The following PHPT1 variants were observed in gnomAD, a reference collection of about 807,000 sequenced individuals.
PHPT1 encodes 14 kDa phosphohistidine phosphatase.
In PHPT1, 16 loss-of-function variants were observed where a neutral mutation model predicts 15.6. The observed-to-expected ratio is 1.03, with a 90% CI of 0.70 to 1.56. The LOEUF is 1.56. Among genes scored for constraint, PHPT1 ranks in the 40% most tolerant of loss-of-function variants. The probability of loss-of-function intolerance (pLI) is 0.00; values close to 1 mark genes in which losing one functional copy is unlikely to be tolerated. For synonymous variants in PHPT1, 102 were observed against 68.1 expected, an observed-to-expected ratio of 1.50 and a Z score of -2.45; for missense variants, 228 against 171.0, an observed-to-expected ratio of 1.33 and a Z score of -1.86.
chr9:136,849,746 C>CA, intron 1 of PHPT1, 156 bp downstream of exon 1: 1 of 810,256 alleles, frequency 1.2e-6, no homozygotes, highest in Non-Finnish European at 1.8e-6. Flanking sequence ...CCGAGTCCTG[C>CA]CCCTGCTAGG....
intron 2 of PHPT1, chr9:136,850,377 C>T: frequency 2.1e-6 from 2 of 930,318 alleles, no homozygotes; most frequent in South Asian, 1.5e-5. Flanking sequence ...GTCTCCTCTC[C>T]CTGCCTTGGG....
intron 2 of PHPT1, chr9:136,850,521 G>C: frequency 6.2e-7 from 1 of 1,612,024 alleles, no homozygotes; most frequent in Non-Finnish European, 8.5e-7. Flanking sequence ...ACCCACGTGC[G>C]TCCCTCTGGG....
chr9:136,850,437 C>G (rs1401895501), intron 2 of PHPT1: 20 of 1,428,156 alleles, frequency 1.4e-5, no homozygotes, highest in Non-Finnish European at 1.7e-5. Flanking sequence ...CCCTGGGCCC[C>G]CAGAGGCAGT....
intron 2 of PHPT1, chr9:136,850,397 T>C (rs1421782812): frequency 9.4e-7 from 1 of 1,064,090 alleles, no homozygotes; most frequent in East Asian, 2.6e-5. Flanking sequence ...GAGGCCTTGC[T>C]GGGCTCTAGC....
rs755357300 is a variant in PHPT1, at chr9:136,849,477, C to T, written c.47C>T (p.Ser16Phe). ...LALIPDVDID[S>F]DGVFKYVLIR... ...CTCATTCCTGATGTGGACATCGACTCCGACGGCGTCTTCAAGTATGTGCTG... is the reference window on the plus strand; with the variant it reads ...CTCATTCCTGATGTGGACATCGACTTCGACGGCGTCTTCAAGTATGTGCTG... The change falls in exon 1 of 3, where the codon TCC becomes TTC. Residue 16 changes from serine (S) to phenylalanine (F), a missense_variant. By Grantham distance (155) the Ser-to-Phe change is radical. Coordinates refer to ENST00000247665, the MANE Select transcript of PHPT1 (RefSeq NM_014172.6). 2.5e-6 allele frequency: 4 copies of T among 1,611,274 alleles called. No individual in the cohort carries two copies. The highest frequency in any genetic ancestry group is 1.7e-5 in the Admixed American group (1 of 59,866).
rs968105033 is a variant in PHPT1 at position 136,849,726 on chromosome 9, G to A, written c.160+136G>A. ...GCGGGGCTGCGGGCCGTAGCGGACT[G>A]CGCTCTGCTCCGAGTCCTGCCCCTG... is the stretch of plus-strand genomic sequence containing the variant. On this transcript the variant is annotated intron_variant, in intron 1 of 2. Transcript: ENST00000247665. 3.6e-6 allele frequency: 3 copies of A among 837,668 alleles called. No individual in the cohort carries two copies. In the East Asian group the frequency reaches 9.6e-5, roughly 27 times the overall value. 51.9% of individuals were successfully genotyped at this position (837,668 alleles called of 1,614,324 possible).
At chr9:136,850,365 C>A in intron 2 of PHPT1, 3 of 864,722 alleles carry the variant, frequency 3.5e-6, no homozygotes, top group Non-Finnish European at 5.5e-6. Flanking sequence ...ACATGGCCGG[C>A]TGTCTCCTCT....
At position 136,850,020 on chromosome 9, in the gene PHPT1, C is replaced by T. The variant is rs768515068; in HGVS notation, c.168C>T (p.Ile56=). Residue 56 remains isoleucine (I), a synonymous_variant, in exon 2 of 3, where the codon ATC becomes ATT. Transcript: ENST00000247665. Reference sequence around the variant, plus strand: ...GCCGCCCTCCCATCCCAGCGGACATCTACGACAAAGTGTCGGGCGACATGC... The same window carrying T: ...GCCGCCCTCCCATCCCAGCGGACATTTACGACAAAGTGTCGGGCGACATGC... The part of the protein sequence containing the change: ...GYKWAEYHAD[I]YDKVSGDMQK... 5.0e-6 allele frequency: 8 copies of T among 1,612,134 alleles called. No individual in the cohort carries two copies. Among genetic ancestry groups the T allele is most frequent in the Middle Eastern group, 1.6e-4 (1 of 6,074 alleles).
chr9:136,849,722 G>T, intron 1 of PHPT1, 132 bp downstream of exon 1: 1 of 835,368 alleles, frequency 1.2e-6, no homozygotes, highest in Non-Finnish European at 1.7e-6. Flanking sequence ...GGCCGTAGCG[G>T]ACTGCGCTCT....
chr9:136,849,596 G>A lies in PHPT1; in HGVS notation c.160+6G>A. On this transcript the variant is annotated splice_donor_region_variant and intron_variant, in intron 1 of 2. Transcript: ENST00000247665. ...CAAGTGGGCTGAGTACCATGGTGAG[G>A]GCGGGACCTGCGGGCATGCCAGGGG... 1.3e-6 allele frequency: 2 copies of A among 1,561,038 alleles called. No homozygotes were observed. The highest frequency in any genetic ancestry group is 8.6e-7 in the Non-Finnish European group (1 of 1,157,506).
At position 136,850,116 on chromosome 9, in the gene PHPT1, T is replaced by G. The variant is rs749264533; in HGVS notation, c.264T>G (p.Ile88Met). Residue 88 changes from isoleucine (I) to methionine (M), a missense_variant, in exon 2 of 3, where the codon ATT (isoleucine) becomes ATG (methionine). Ile to Met is a conservative substitution (Grantham distance 10, BLOSUM62 1). Transcript: ENST00000247665. Reference protein sequence around the residue: ...RISHQSQDKKIHVYGYSMAYG... With the variant: ...RISHQSQDKKMHVYGYSMAYG... ...CCCACCAGAGTCAGGACAAGAAGATTCACGTGTACGGCTATTCCATGGTGA... is the reference window on the plus strand; with the variant it reads ...CCCACCAGAGTCAGGACAAGAAGATGCACGTGTACGGCTATTCCATGGTGA... The G allele has an allele frequency of 3.1e-6, 5 of 1,613,102 alleles. No homozygotes were observed. The highest frequency in any genetic ancestry group is 2.5e-6 in the Non-Finnish European group (3 of 1,179,900).
chr9:136,850,364 G>A, intron 2 of PHPT1: 3 of 865,796 alleles, frequency 3.5e-6, no homozygotes, highest in East Asian at 2.6e-5. Flanking sequence ...GACATGGCCG[G>A]CTGTCTCCTC....
At chr9:136,850,170 G>A (rs764965577) in intron 2 of PHPT1, 33 bp downstream of exon 2, 21 of 1,612,478 alleles carry the variant, frequency 1.3e-5, no homozygotes, top group Non-Finnish European at 1.8e-5. Flanking sequence ...CCTGCCGGAG[G>A]CCCCAGTACC....
chr9:136,850,780 T>C lies in PHPT1; in HGVS notation c.311T>C (p.Ile104Thr). Residue 104 changes from isoleucine to threonine, a missense_variant, in exon 3 of 3, where the codon ATT becomes ACT. Physicochemically the swap from Ile to Thr is moderately conservative, Grantham distance 89 (BLOSUM62 -1). Transcript: ENST00000247665. ...SMAYGPAQHA[I>T]STEKIKAKYP... ...GCCTATGGTCCTGCCCAGCACGCCA[T>C]TTCAACTGAGAAAATCAAAGCCAAG... 1 of 1,613,258 alleles carries C rather than the reference T, an allele frequency of 6.2e-7. No homozygotes were observed. Among genetic ancestry groups the C allele is most frequent in the Non-Finnish European group, 8.5e-7 (1 of 1,179,936 alleles).
intron 2 of PHPT1, chr9:136,850,383 T>G: frequency 1.1e-6 from 1 of 950,308 alleles, no homozygotes; most frequent in Non-Finnish European, 1.6e-6. Context: ...TCTCCCTGCC[T>G]TGGGAGGCCT....
chr9:136,850,239 G>T (rs748228080), intron 2 of PHPT1, 102 bp downstream of exon 2: 1 of 1,492,050 alleles, frequency 6.7e-7, no homozygotes, highest in Admixed American at 1.8e-5. Flanking sequence ...GAGCACGCAG[G>T]CTTCCTGGGG....
In PHPT1 at chr9:136,849,595, G is replaced by T; in HGVS notation, c.160+5G>T. 2 of 1,562,672 alleles carry T rather than the reference G, an allele frequency of 1.3e-6. No individual in the cohort carries two copies. The highest frequency in any genetic ancestry group is 8.6e-7 in the Non-Finnish European group (1 of 1,157,984). ...ACAAGTGGGCTGAGTACCATGGTGAGGGCGGGACCTGCGGGCATGCCAGGG... is the reference window on the plus strand; with the variant it reads ...ACAAGTGGGCTGAGTACCATGGTGATGGCGGGACCTGCGGGCATGCCAGGG... On this transcript the variant is annotated splice_donor_5th_base_variant and intron_variant, in intron 1 of 2. Coordinates refer to ENST00000247665, the MANE Select transcript of PHPT1 (RefSeq NM_014172.6).
intron 1 of PHPT1, 142 bp downstream of exon 1, chr9:136,849,732 T>A (rs960838325): frequency 1.2e-6 from 1 of 834,358 alleles, no homozygotes; most frequent in Non-Finnish European, 1.7e-6. Context: ...GACTGCGCTC[T>A]GCTCCGAGTC....
chr9:136,850,527 C>G (rs760450905), intron 2 of PHPT1: 2 of 1,611,984 alleles, frequency 1.2e-6, no homozygotes, highest in Non-Finnish European at 1.7e-6. Flanking sequence ...GTGCGTCCCT[C>G]TGGGCGCCTC....
Sources: gnomAD v4.1 joint callset for allele counts on GRCh38, gnomAD v4.1.1 for gene constraint, MANE v1.5 for transcripts, NCBI Gene and HGNC (gene_info 2026-07-23, HGNC 2026-07-21) for gene names.